The following KIAA1217 variants were observed in gnomAD, a reference collection of about 807,000 sequenced individuals.
KIAA1217 encodes the protein KIAA1217.
Under a neutral mutation model 163.9 loss-of-function variants are expected in KIAA1217, and 88 were observed. That is an observed-to-expected ratio of 0.54 (90% CI 0.45 to 0.64). The LOEUF is 0.64. KIAA1217 is among the 30% of genes least tolerant of loss of function. The pLI is 0.00. For missense variants in KIAA1217, 2,372 were observed against 2,475.0 expected, an observed-to-expected ratio of 0.96 and a Z score of 0.88; for synonymous variants, 903 against 923.1, an observed-to-expected ratio of 0.98 and a Z score of 0.39.
chr10:24,229,577 G>A (rs960071295), intron 2 of KIAA1217, among the ~76,000 whole-genome samples: 4 of 152,148 alleles, frequency 2.6e-5, no homozygotes, highest in African/African-American at 9.7e-5. Context: ...GAGTGCAATG[G>A]CACAATCTCG....
chr10:24,271,730 G>T (rs183319721), intron 2 of KIAA1217, among the ~76,000 whole-genome samples: 140 of 151,934 alleles, frequency 9.2e-4, no homozygotes, highest in African/African-American at 3.1e-3. Context: ...TTCAGCCTGG[G>T]TGACAGAGTG....
At chr10:24,299,675 C>T (rs896851109) in intron 2 of KIAA1217, among the ~76,000 whole-genome samples, 1 of 152,194 alleles carries the variant, frequency 6.6e-6, no homozygotes, top group African/African-American at 2.4e-5. Flanking sequence ...ACTGGGATTA[C>T]AGGCATGAGC....
intron 5 of KIAA1217, among the ~76,000 whole-genome samples, chr10:24,451,932 T>G (rs1284693724): frequency 6.6e-6 from 1 of 152,142 alleles, no homozygotes; most frequent in Non-Finnish European, 1.5e-5. Context: ...CAGACCATAC[T>G]AGGCTGTTGT....
At chr10:23,764,339 CT>C (rs1203621470) in intron 1 of KIAA1217, among the ~76,000 whole-genome samples, 1 of 152,170 alleles carries the variant, frequency 6.6e-6, no homozygotes, top group African/African-American at 2.4e-5. Flanking sequence ...AATAGGAACA[CT>C]TTTACACTGT....
At chr10:24,159,736 T>C (rs2065035350) in intron 2 of KIAA1217, among the ~76,000 whole-genome samples, 1 of 152,030 alleles carries the variant, frequency 6.6e-6, no homozygotes, top group African/African-American at 2.4e-5. Context: ...TGAGCTGAGA[T>C]CACGCCACTG....
intron 2 of KIAA1217, among the ~76,000 whole-genome samples, chr10:24,152,089 T>C (rs1465666139): frequency 6.6e-6 from 1 of 152,168 alleles, no homozygotes; most frequent in African/African-American, 2.4e-5. Context: ...TGCATGGCTC[T>C]CTCCTTCTTT....
Position 24,524,696 on chromosome 10 carries a change from G to A in KIAA1217, c.2830G>A (p.Ala944Thr), listed in dbSNP as rs555512603. ...CCCACAGATACCCATGAATGGGTCT[G>A]CCATGCAGAGCTTGTTCATTGAAGA... ...QSPQIPMNGS[A>T]MQSLFIEEIH... Residue 944 changes from alanine (A) to threonine (T), a missense_variant, in exon 13 of 21, where the codon GCC becomes ACC. By Grantham distance (58) the Ala-to-Thr change is moderately conservative (BLOSUM62 0). This residue lies in a region of KIAA1217 where 1,431 missense variants were observed against 1,470.3 expected (regional missense o/e 0.97). Transcript: ENST00000376454. 1.9e-6 allele frequency: 3 copies of A among 1,613,044 alleles called. No homozygotes were observed. In the African/African-American group the frequency reaches 4.0e-5, roughly 21 times the overall value.
In KIAA1217 at chr10:23,805,791, G is replaced by A. The variant is rs201358258; in HGVS notation, c.-321+110557G>A. Reference sequence around the variant, plus strand: ...CACTTTGGGAGGCCGAGGCGGGTGGGTCCCCTGAGGTCAGGAGTTTGAGAT... The same window carrying A: ...CACTTTGGGAGGCCGAGGCGGGTGGATCCCCTGAGGTCAGGAGTTTGAGAT... On this transcript the variant is annotated intron_variant, in intron 1 of 18. Coordinates refer to the KIAA1217 transcript ENST00000376462. 1.6e-4 allele frequency among the ~76,000 whole-genome samples: 24 copies of A among 151,800 alleles called. No individual in the cohort carries two copies. In the East Asian group the frequency reaches 4.7e-3, roughly 29 times the overall value.
intron 1 of KIAA1217, among the ~76,000 whole-genome samples, chr10:23,999,152 C>T (rs1184292038): frequency 6.6e-6 from 1 of 152,030 alleles, no homozygotes; most frequent in Non-Finnish European, 1.5e-5. Flanking sequence ...ACAAATAAAG[C>T]GGTTTGCATG....
At chr10:24,110,608 A>C (rs959469389) in intron 2 of KIAA1217, among the ~76,000 whole-genome samples, 7 of 152,134 alleles carry the variant, frequency 4.6e-5, no homozygotes, top group Non-Finnish European at 7.4e-5. Flanking sequence ...CTTAAAAAAA[A>C]AAAAAAAAAC....
In KIAA1217 at chr10:24,473,724, A is replaced by C; in HGVS notation, c.1343A>C (p.Gln448Pro). The C allele has an allele frequency of 6.2e-7, 1 of 1,614,084 alleles. No individual in the cohort carries two copies. The highest frequency in any genetic ancestry group is 2.2e-5 in the East Asian group (1 of 44,844). Reference protein sequence around the residue: ...PSMQAEMHMEQSLYRQKSRKY... With the variant: ...PSMQAEMHMEPSLYRQKSRKY... ...ATGCAAGCGGAAATGCATATGGAAC[A>C]ATCACTGTACAGACAGAAATCAAGG... is the stretch of plus-strand genomic sequence containing the variant. The change falls in exon 6 of 21, where the codon CAA (glutamine) becomes CCA (proline). Residue 448 changes from glutamine (Q) to proline (P), a missense_variant. Transcript: ENST00000376454.
intron 1 of KIAA1217, among the ~76,000 whole-genome samples, chr10:23,839,328 T>C (rs1029959260): frequency 1.3e-5 from 2 of 152,206 alleles, no homozygotes; most frequent in Non-Finnish European, 2.9e-5. Flanking sequence ...GGCATGTGGT[T>C]CTTCTTCTTG....
At chr10:24,337,420 G>C (rs544198243) in intron 2 of KIAA1217, among the ~76,000 whole-genome samples, 1 of 152,208 alleles carries the variant, frequency 6.6e-6, no homozygotes, top group African/African-American at 2.4e-5. Context: ...GCCCTGAAAG[G>C]GTTCTGGGAA....
intron 1 of KIAA1217, among the ~76,000 whole-genome samples, chr10:23,854,347 G>A (rs1479801900): frequency 3.3e-5 from 5 of 152,206 alleles, no homozygotes; most frequent in South Asian, 2.1e-4. Flanking sequence ...TTAATCCTAA[G>A]TTCTAGTTTG....
intron 6 of KIAA1217, among the ~76,000 whole-genome samples, chr10:24,479,598 T>C (rs192927679): frequency 6.6e-6 from 1 of 152,276 alleles, no homozygotes; most frequent in East Asian, 1.9e-4. Flanking sequence ...TGTAGGATGT[T>C]GTCTTAGTCC....
intron 1 of KIAA1217, among the ~76,000 whole-genome samples, chr10:23,877,649 C>T (rs946940051): frequency 6.6e-6 from 1 of 151,952 alleles, no homozygotes; most frequent in Middle Eastern, 3.2e-3. Context: ...ATATGCACAA[C>T]GTGTGTCTTT....
chr10:23,962,008 A>G (rs1248667010), intron 1 of KIAA1217, among the ~76,000 whole-genome samples: 1 of 152,220 alleles, frequency 6.6e-6, no homozygotes, highest in African/African-American at 2.4e-5. Context: ...ACCTCTATAA[A>G]GACCCTTTCT....
At chr10:24,094,944 G>A (rs578146671) in intron 2 of KIAA1217, among the ~76,000 whole-genome samples, 4 of 152,246 alleles carry the variant, frequency 2.6e-5, no homozygotes, top group South Asian at 4.1e-4. Context: ...AATGGTGGGC[G>A]CCCCTCCCCC....
At chr10:23,993,752 G>A (rs777602302) in intron 1 of KIAA1217, among the ~76,000 whole-genome samples, 16 of 151,442 alleles carry the variant, frequency 1.1e-4, no homozygotes, top group Non-Finnish European at 1.6e-4. Context: ...AATACATTTG[G>A]ATTTTTAGCA....
Sources: allele counts gnomAD v4.1 joint callset (sites outside exome capture counted in the v4.1 genomes callset), GRCh38; gene constraint gnomAD v4.1.1; regional missense constraint gnomAD v4.1.1; transcripts MANE v1.5; gene names NCBI Gene and HGNC (gene_info 2026-07-23, HGNC 2026-07-21).